The following DLG2 variants were observed in gnomAD, a reference collection of about 807,000 sequenced individuals.
DLG2 encodes discs large MAGUK scaffold protein 2, also known as disks large homolog 2.
A neutral mutation model predicts 132.5 loss-of-function variants in DLG2; 45 were observed. The observed-to-expected ratio is 0.34, with a 90% CI of 0.27 to 0.44. DLG2 has a LOEUF of 0.44. DLG2 is among the 20% of genes least tolerant of loss of function. The pLI, the probability that DLG2 is intolerant of heterozygous loss-of-function variation, is 1.00. For synonymous variants in DLG2, 424 were observed against 419.6 expected, an observed-to-expected ratio of 1.01 and a Z score of -0.13; for missense variants, 1,045 against 1,196.9, an observed-to-expected ratio of 0.87 and a Z score of 1.87.
At chr11:85,276,617 C>G (rs553597129) in intron 4 of DLG2, among the ~76,000 whole-genome samples, 11 of 152,090 alleles carry the variant, frequency 7.2e-5, no homozygotes, top group Non-Finnish European at 1.5e-4. Flanking sequence ...ATGACTCATT[C>G]CTGTGTTTTT....
At chr11:85,016,615 T>A (rs1017151528) in intron 6 of DLG2, among the ~76,000 whole-genome samples, 11 of 152,090 alleles carry the variant, frequency 7.2e-5, no homozygotes, top group African/African-American at 2.7e-4. Context: ...GGAAAGGAAC[T>A]CACACACACA....
chr11:84,020,841 C>T (rs540880514), intron 11 of DLG2, among the ~76,000 whole-genome samples: 60 of 152,192 alleles, frequency 3.9e-4, no homozygotes, highest in African/African-American at 1.3e-3. Context: ...GAAGTTCTTT[C>T]GGTTATAAAA....
chr11:83,662,753 T>C (rs1399941688), intron 18 of DLG2, among the ~76,000 whole-genome samples: 2 of 152,186 alleles, frequency 1.3e-5, no homozygotes, highest in African/African-American at 4.8e-5. Flanking sequence ...CCGAGAACTA[T>C]ATGCTCAGAA....
At chr11:85,021,010 C>G (rs911478227) in intron 6 of DLG2, 2 of 774,390 alleles carry the variant, frequency 2.6e-6, no homozygotes, top group East Asian at 2.4e-5. Context: ...TTATTCATAT[C>G]TACTGCTTGT....
chr11:84,429,651 CG>C (rs1341592721), intron 7 of DLG2, among the ~76,000 whole-genome samples: 1 of 152,098 alleles, frequency 6.6e-6, no homozygotes, highest in African/African-American at 2.4e-5. Context: ...TTTTTTAAAG[CG>C]GGATGGCTTC....
intron 19 of DLG2, among the ~76,000 whole-genome samples, chr11:83,544,336 A>G (rs1362405020): frequency 6.6e-6 from 1 of 152,192 alleles, no homozygotes; most frequent in Admixed American, 6.6e-5. Context: ...GGGAACCCCA[A>G]CACACTCTCT....
At chr11:85,516,065 C>T (rs2094163120) in intron 3 of DLG2, among the ~76,000 whole-genome samples, 1 of 151,948 alleles carries the variant, frequency 6.6e-6, no homozygotes, top group Non-Finnish European at 1.5e-5. Context: ...AATACATTGA[C>T]TCTCTCTGCT....
intron 6 of DLG2, among the ~76,000 whole-genome samples, chr11:84,947,825 A>C (rs909722674): frequency 1.3e-5 from 2 of 152,116 alleles, no homozygotes; most frequent in African/African-American, 4.8e-5. Flanking sequence ...ATGCTCTTTT[A>C]CTCTCATAAG....
chr11:84,402,755 G>A (rs2098834271), intron 7 of DLG2, among the ~76,000 whole-genome samples: 1 of 151,792 alleles, frequency 6.6e-6, no homozygotes, highest in Non-Finnish European at 1.5e-5. Flanking sequence ...GGTGGCGGGC[G>A]CCTGTAGTCT....
At chr11:85,588,465 A>G (rs929021477) in intron 3 of DLG2, among the ~76,000 whole-genome samples, 6 of 151,940 alleles carry the variant, frequency 3.9e-5, no homozygotes, top group Non-Finnish European at 8.8e-5. Flanking sequence ...ATTCAACATC[A>G]TTGTTGAAAC....
chr11:85,094,739 A>G (rs1329037892), intron 6 of DLG2, among the ~76,000 whole-genome samples: 1 of 152,234 alleles, frequency 6.6e-6, no homozygotes, highest in Non-Finnish European at 1.5e-5. Flanking sequence ...ATCAGCAATA[A>G]GGTTGTTCCA....
At chr11:84,569,858 T>G (rs2099473661) in intron 6 of DLG2, among the ~76,000 whole-genome samples, 1 of 152,200 alleles carries the variant, frequency 6.6e-6, no homozygotes, top group East Asian at 1.9e-4. Context: ...AGCCCTTGAC[T>G]GGACACCTGG....
intron 3 of DLG2, among the ~76,000 whole-genome samples, chr11:85,550,079 C>T (rs1283882722): frequency 6.6e-6 from 1 of 152,218 alleles, no homozygotes; most frequent in East Asian, 1.9e-4. Flanking sequence ...AACTTGCTTT[C>T]ATATTACTCT....
intron 6 of DLG2, among the ~76,000 whole-genome samples, chr11:84,661,013 G>T (rs911741910): frequency 6.6e-6 from 1 of 152,146 alleles, no homozygotes; most frequent in Admixed American, 6.6e-5. Context: ...AATTCAAGCA[G>T]TGATGATTAA....
At chr11:85,496,243 A>T (rs759036300) in intron 3 of DLG2, among the ~76,000 whole-genome samples, 2 of 152,156 alleles carry the variant, frequency 1.3e-5, no homozygotes, top group Non-Finnish European at 2.9e-5. Flanking sequence ...AGACAAGAAG[A>T]TCCCTTCCTG....
chr11:84,535,790 G>C (rs965236182), intron 6 of DLG2, among the ~76,000 whole-genome samples: 1 of 152,128 alleles, frequency 6.6e-6, no homozygotes, highest in Non-Finnish European at 1.5e-5. Context: ...AGATAATAAA[G>C]TGTTAGTTTG....
At chr11:83,851,592 A>ACTCCAG (rs1197942040) in intron 16 of DLG2, among the ~76,000 whole-genome samples, 1 of 143,376 alleles carries the variant, frequency 7.0e-6, no homozygotes, top group African/African-American at 2.6e-5. Context: ...GAGCCATTGC[A>ACTCCAG]CTCCAGCCTG....
chr11:84,919,897 GCTT>G (rs2092678808), intron 6 of DLG2, among the ~76,000 whole-genome samples: 1 of 152,104 alleles, frequency 6.6e-6, no homozygotes, highest in East Asian at 1.9e-4. Flanking sequence ...TGATCACATT[GCTT>G]CTTTTTAGTG....
intron 6 of DLG2, among the ~76,000 whole-genome samples, chr11:84,734,631 C>T (rs1286439993): frequency 6.6e-6 from 1 of 152,086 alleles, no homozygotes; most frequent in Non-Finnish European, 1.5e-5. Context: ...CCCTTTATTC[C>T]TTTCTCCTGC....
Sources: allele counts gnomAD v4.1 joint callset (sites outside exome capture counted in the v4.1 genomes callset), GRCh38; gene constraint gnomAD v4.1.1; transcripts MANE v1.5; gene names NCBI Gene and HGNC (gene_info 2026-07-23, HGNC 2026-07-21).